The following ASIC2 variants were observed in gnomAD, a reference collection of about 807,000 sequenced individuals.
The protein encoded by ASIC2 is acid-sensing ion channel 2.
ASIC2 carries 25 observed loss-of-function variants against 57.3 expected under a neutral mutation model. That is an observed-to-expected ratio of 0.44 (90% CI 0.32 to 0.61). The LOEUF is 0.61. Ranked by LOEUF, ASIC2 falls within the 20% of genes least tolerant of loss-of-function variation. The pLI, the probability that ASIC2 is intolerant of heterozygous loss-of-function variation, is 0.06. For missense variants in ASIC2, 641 were observed against 738.1 expected, an observed-to-expected ratio of 0.87 and a Z score of 1.52; for synonymous variants, 319 against 307.5, an observed-to-expected ratio of 1.04 and a Z score of -0.39.
chr17:34,154,493 T>C (rs960060837), intron 1 of ASIC2, among the ~76,000 whole-genome samples: 1 of 151,728 alleles, frequency 6.6e-6, no homozygotes, highest in African/African-American at 2.4e-5. Context: ...AGAAACAGAG[T>C]TCTAGCACAC....
chr17:33,844,562 G>A (rs188164965), intron 1 of ASIC2, among the ~76,000 whole-genome samples: 33 of 152,290 alleles, frequency 2.2e-4, no homozygotes, highest in Admixed American at 1.1e-3. Flanking sequence ...CTGCCATATT[G>A]GATAGGTCAG....
intron 1 of ASIC2, among the ~76,000 whole-genome samples, chr17:33,676,482 C>G (rs1023311559): frequency 6.6e-6 from 1 of 152,012 alleles, no homozygotes; most frequent in Non-Finnish European, 1.5e-5. Context: ...AAAGTGAAAG[C>G]CTTCTTGCTG....
intron 1 of ASIC2, among the ~76,000 whole-genome samples, chr17:33,790,405 G>GA (rs1337017439): frequency 2.6e-5 from 4 of 152,128 alleles, no homozygotes; most frequent in African/African-American, 7.2e-5. Context: ...CAAAAACATA[G>GA]AAAAAATGTA....
intron 1 of ASIC2, among the ~76,000 whole-genome samples, chr17:33,301,582 G>C (rs1376359609): frequency 6.6e-6 from 1 of 152,170 alleles, no homozygotes; most frequent in Non-Finnish European, 1.5e-5. Context: ...CACTGTCTTT[G>C]ATGTTGAGAA....
intron 1 of ASIC2, among the ~76,000 whole-genome samples, chr17:34,144,306 G>T (rs1002266696): frequency 5.3e-5 from 8 of 152,244 alleles, no homozygotes; most frequent in Admixed American, 2.0e-4. Flanking sequence ...ACAAATAAAA[G>T]AACTTTTATT....
At chr17:33,770,835 A>G (rs1441205326) in intron 1 of ASIC2, among the ~76,000 whole-genome samples, 1 of 152,214 alleles carries the variant, frequency 6.6e-6, no homozygotes, top group African/African-American at 2.4e-5. Context: ...CTTGTCTTCC[A>G]GAAGACAGAC....
chr17:33,918,755 A>G (rs1915644538), intron 1 of ASIC2, among the ~76,000 whole-genome samples: 1 of 152,240 alleles, frequency 6.6e-6, no homozygotes. Flanking sequence ...AGATTAAGAC[A>G]TAGCATTTAC....
chr17:33,812,454 A>G (rs528826335), intron 1 of ASIC2, among the ~76,000 whole-genome samples: 63 of 152,228 alleles, frequency 4.1e-4, no homozygotes, highest in African/African-American at 1.3e-3. Flanking sequence ...AGACAATAAG[A>G]TGCTGGTGAG....
At chr17:33,157,365 T>C (rs1281685630) in intron 1 of ASIC2, among the ~76,000 whole-genome samples, 1 of 152,210 alleles carries the variant, frequency 6.6e-6, no homozygotes, top group Non-Finnish European at 1.5e-5. Context: ...ATGCCCATTT[T>C]ACAGATGAAT....
chr17:33,578,724 CAG>C (rs1360434335), intron 1 of ASIC2, among the ~76,000 whole-genome samples: 1 of 152,184 alleles, frequency 6.6e-6, no homozygotes, highest in Non-Finnish European at 1.5e-5. Context: ...TTGACCTTGA[CAG>C]AGGGGGCACT....
rs553967375 is a variant in ASIC2 at position 33,538,772 on chromosome 17, C to T, written c.556-426705G>A. Among the ~76,000 whole-genome samples the T allele has an allele frequency of 5.3e-5, 8 of 152,348 alleles. No individual in the cohort carries two copies. The East Asian group carries it at 7.7e-4, about 15-fold the overall frequency. ...GTTTTTTCTACAAGGTAGATCCATG[C>T]TCTCTTTTGAAGAGGCATGCCCATG... On this transcript the variant is annotated intron_variant, in intron 1 of 9. Transcript: ENST00000359872.
chr17:33,865,759 T>TAAAAAAA (rs61218521), intron 1 of ASIC2, among the ~76,000 whole-genome samples: 1 of 122,108 alleles, frequency 8.2e-6, no homozygotes, highest in Non-Finnish European at 1.7e-5. Flanking sequence ...AAAAAAAAAA[T>TAAAAAAA]AAAAAAAAAA....
At chr17:33,297,857 A>G (rs1294812420), upstream of ASIC2, among the ~76,000 whole-genome samples, 6 of 146,848 alleles carry the variant, frequency 4.1e-5, no homozygotes, top group Non-Finnish European at 7.4e-5. Context: ...TAAATAAATA[A>G]ATAAATAAAT....
At chr17:33,826,027 T>G (rs887138826) in intron 1 of ASIC2, among the ~76,000 whole-genome samples, 1 of 152,244 alleles carries the variant, frequency 6.6e-6, no homozygotes, top group Non-Finnish European at 1.5e-5. Context: ...CCATTAGCTA[T>G]GTGGATACTT....
At chr17:33,307,317 G>A (rs970317967) in intron 1 of ASIC2, among the ~76,000 whole-genome samples, 7 of 125,196 alleles carry the variant, frequency 5.6e-5, no homozygotes, top group East Asian at 4.6e-4. Flanking sequence ...TTTCTTCTTC[G>A]TCTTCTTTTG....
chr17:34,126,035 G>A (rs1211201638), intron 1 of ASIC2, among the ~76,000 whole-genome samples: 1 of 152,216 alleles, frequency 6.6e-6, no homozygotes, highest in African/African-American at 2.4e-5. Context: ...AATGAAGTGT[G>A]AATGCAAGTA....
At chr17:34,081,903 T>A (rs769086529) in intron 1 of ASIC2, 26 of 152,310 alleles carry the variant, frequency 1.7e-4, no homozygotes, top group Non-Finnish European at 2.9e-5. Flanking sequence ...ATGTTTAGTC[T>A]CTTCTGTACT....
chr17:33,546,337 C>T (rs1276536142), intron 1 of ASIC2, among the ~76,000 whole-genome samples: 1 of 152,052 alleles, frequency 6.6e-6, no homozygotes, highest in East Asian at 1.9e-4. Context: ...TTTCTCAACA[C>T]CTGCTTGTAC....
At chr17:33,278,753 A>T (rs1436260863) in intron 1 of ASIC2, among the ~76,000 whole-genome samples, 1 of 151,978 alleles carries the variant, frequency 6.6e-6, no homozygotes, top group South Asian at 2.1e-4. Context: ...ATGAGTCCAC[A>T]TATATTTTTT....
Sources: allele counts gnomAD v4.1 joint callset (sites outside exome capture counted in the v4.1 genomes callset), GRCh38; gene constraint gnomAD v4.1.1; transcripts MANE v1.5; gene names NCBI Gene and HGNC (gene_info 2026-07-23, HGNC 2026-07-21).